WASL: variants seen among roughly 807,000 people sequenced by gnomAD.
WASL encodes the protein actin nucleation-promoting factor WASL.
Under a neutral mutation model 55.5 loss-of-function variants are expected in WASL, and 20 were observed. That is an observed-to-expected ratio of 0.36 (90% CI 0.25 to 0.52). The LOEUF is 0.52. WASL is among the 20% of genes least tolerant of loss of function. The probability of loss-of-function intolerance (pLI) is 0.92; values close to 1 mark genes in which losing one functional copy is unlikely to be tolerated. For missense variants in WASL, 504 were observed against 622.5 expected (o/e 0.81, Z 2.03); for synonymous variants, 249 against 217.6 (o/e 1.14, Z -1.27).
intron 1 of WASL, 46 bp from the exon 2 acceptor site, chr7:123,709,269 AGAT>A: frequency 6.4e-7 from 1 of 1,555,896 alleles, no homozygotes; most frequent in Non-Finnish European, 8.7e-7. Context: ...AATAATATGT[AGAT>A]GATCATAGCC....
intron 1 of WASL, among the ~76,000 whole-genome samples, chr7:123,723,569 C>T (rs1010123323): frequency 1.6e-4 from 24 of 152,220 alleles, no homozygotes; most frequent in African/African-American, 5.8e-4. Context: ...AACCCCAATA[C>T]TTCCAGTGTT....
At chr7:123,703,905 A>G (rs914017148) in intron 5 of WASL, among the ~76,000 whole-genome samples, 2 of 152,196 alleles carry the variant, frequency 1.3e-5, no homozygotes, top group African/African-American at 4.8e-5. Flanking sequence ...CCTCATTTAA[A>G]TACGATGAAA....
At chr7:123,697,827 G>T (rs1803516424) in intron 5 of WASL, among the ~76,000 whole-genome samples, 1 of 152,192 alleles carries the variant, frequency 6.6e-6, no homozygotes, top group Admixed American at 6.5e-5. Flanking sequence ...AACTGTTTGT[G>T]CTAACAATGC....
At chr7:123,708,981 A>C in intron 2 of WASL, 108 bp downstream of exon 2, 4 of 1,050,302 alleles carry the variant, frequency 3.8e-6, no homozygotes, top group Non-Finnish European at 5.1e-6. Context: ...ATATTAGTTT[A>C]TGTATAAATT....
At chr7:123,688,970 A>G in intron 10 of WASL, 72 bp downstream of exon 10, 1 of 1,307,058 alleles carries the variant, frequency 7.7e-7, no homozygotes, top group Non-Finnish European at 1.1e-6. Flanking sequence ...AACGTCAAAC[A>G]TTCAAATTTA....
At chr7:123,735,732 G>T (rs968716899) in intron 1 of WASL, among the ~76,000 whole-genome samples, 3 of 151,978 alleles carry the variant, frequency 2.0e-5, no homozygotes. Context: ...ACTGCTATCC[G>T]AAAGAAACAC....
At chr7:123,713,205 T>C (rs1000259418) in intron 1 of WASL, among the ~76,000 whole-genome samples, 1 of 152,184 alleles carries the variant, frequency 6.6e-6, no homozygotes, top group Non-Finnish European at 1.5e-5. Context: ...AGGAGTGCAA[T>C]GGTGAGTGAG....
chr7:123,748,610 C>A lies in WASL; in HGVS notation c.117+8G>T. 6.2e-7 allele frequency: 1 copy of A among 1,613,266 alleles called. No individual in the cohort carries two copies. The highest frequency in any genetic ancestry group is 8.5e-7 in the Non-Finnish European group (1 of 1,179,592). On this transcript the variant is annotated splice_region_variant and intron_variant, in intron 1 of 10. Coordinates refer to ENST00000223023, the MANE Select transcript of WASL (RefSeq NM_003941.4). ...TCACGGGTGGCGACGCGGGTCTCGTCCACTGACCACACATTTCTTGCCGAG... is the reference window on the plus strand; with the variant it reads ...TCACGGGTGGCGACGCGGGTCTCGTACACTGACCACACATTTCTTGCCGAG...
At chr7:123,747,674 G>C (rs538427401) in intron 1 of WASL, among the ~76,000 whole-genome samples, 17 of 152,302 alleles carry the variant, frequency 1.1e-4, no homozygotes, top group Middle Eastern at 3.4e-3. Context: ...GATCCAGCCA[G>C]TATTTCAACA....
At chr7:123,694,572 G>T in intron 8 of WASL, 143 bp downstream of exon 8, 2 of 720,704 alleles carry the variant, frequency 2.8e-6, no homozygotes, top group Non-Finnish European at 2.3e-6. Flanking sequence ...TTAAGACACA[G>T]TGTGATGGGC....
Position 123,683,578 on chromosome 7 carries a change from C to T in WASL, c.*941G>A, listed in dbSNP as rs1307881030. On this transcript the variant is annotated 3_prime_UTR_variant, in exon 11 of 11. Transcript: ENST00000223023. ...TTTTTATGGTTGGTATTTCTGAACA[C>T]CTCAATCCACACAAAGTGCAAAATA... The T allele has an allele frequency of 2.6e-5, 4 of 151,942 alleles. No homozygotes were observed. The highest frequency in any genetic ancestry group is 5.9e-5 in the Non-Finnish European group (4 of 67,928). 9.4% of individuals were successfully genotyped at this position (151,942 alleles called of 1,614,324 possible).
intron 2 of WASL, among the ~76,000 whole-genome samples, chr7:123,707,214 C>T (rs6975039): frequency 0.048 from 7,380 of 152,170 alleles, 263 homozygotes; most frequent in Non-Finnish European, 0.078. Context: ...ACAGTTCCAC[C>T]AGCAATATTT....
chr7:123,719,965 A>G (rs1803910610), intron 1 of WASL, among the ~76,000 whole-genome samples: 1 of 152,068 alleles, frequency 6.6e-6, no homozygotes, highest in African/African-American at 2.4e-5. Flanking sequence ...CCTTCATTAT[A>G]CCAGTTACTG....
intron 4 of WASL, among the ~76,000 whole-genome samples, chr7:123,705,486 C>CT (rs1208038990): frequency 3.9e-5 from 6 of 152,136 alleles, no homozygotes; most frequent in Non-Finnish European, 5.9e-5. Flanking sequence ...GAAGAAAAAA[C>CT]TTTGAGAGTC....
chr7:123,748,568 G>A (rs770515205), intron 1 of WASL, 50 bp downstream of exon 1: 12 of 1,588,954 alleles, frequency 7.6e-6, no homozygotes, highest in Admixed American at 1.7e-5. Context: ...CCCCAAGCCC[G>A]GGCCCGTGAG....
At chr7:123,696,842 A>T (rs1803501356) in intron 5 of WASL, 95 bp from the exon 6 acceptor site, 1 of 840,890 alleles carries the variant, frequency 1.2e-6, no homozygotes, top group African/African-American at 1.8e-5. Flanking sequence ...CTGAAATAGG[A>T]TCACTTCATT....
intron 1 of WASL, among the ~76,000 whole-genome samples, chr7:123,742,138 G>C (rs528008782): frequency 6.6e-6 from 1 of 152,196 alleles, no homozygotes; most frequent in African/African-American, 2.4e-5. Flanking sequence ...CTCAAGAGCT[G>C]TGCTTTCTAA....
chr7:123,735,315 T>G (rs1217475095), intron 1 of WASL, among the ~76,000 whole-genome samples: 1 of 151,216 alleles, frequency 6.6e-6, no homozygotes, highest in East Asian at 1.9e-4. Flanking sequence ...AATTCAAGAC[T>G]TATTAAAAGA....
At chr7:123,726,866 AAATAAT>A (rs144632237) in intron 1 of WASL, among the ~76,000 whole-genome samples, 1 of 151,230 alleles carries the variant, frequency 6.6e-6, no homozygotes, top group African/African-American at 2.4e-5. Flanking sequence ...ACTTCATCTC[AAATAAT>A]AATAATAATA....
Sources: gnomAD v4.1 joint callset for allele counts (sites outside exome capture counted in the v4.1 genomes callset) on GRCh38, gnomAD v4.1.1 for gene constraint, MANE v1.5 for transcripts, NCBI Gene and HGNC (gene_info 2026-07-23, HGNC 2026-07-21) for gene names.